GC: variants seen among roughly 807,000 people sequenced by gnomAD.
GC encodes GC vitamin D binding protein, also known as vitamin D-binding protein.
A neutral mutation model predicts 56.7 loss-of-function variants in GC; 43 were observed. The ratio of observed to expected loss-of-function variants is 0.76; its 90% CI spans 0.59 to 0.98. The LOEUF (loss-of-function observed/expected upper bound fraction) is 0.98, where lower values mean the gene tolerates loss of function less well. Ranked by LOEUF, GC falls within the 50% of genes least tolerant of loss-of-function variation. The pLI is 0.00. For synonymous variants in GC, 216 were observed against 202.7 expected (o/e 1.07, Z -0.56); for missense variants, 529 against 545.9 (o/e 0.97, Z 0.31).
intron 1 of GC, among the ~76,000 whole-genome samples, chr4:71,801,147 C>A (rs149882946): frequency 1.2e-3 from 189 of 152,168 alleles, no homozygotes; most frequent in Non-Finnish European, 2.4e-3. Flanking sequence ...GACAAATAAT[C>A]CAAATTTTTA....
chr4:71,798,482 C>G (rs868187466), intron 1 of GC, among the ~76,000 whole-genome samples: 3 of 152,100 alleles, frequency 2.0e-5, no homozygotes, highest in African/African-American at 7.2e-5. Context: ...TTTGACTTTT[C>G]TTTCTATTGG....
intron 1 of GC, among the ~76,000 whole-genome samples, chr4:71,793,527 AT>A (rs1440833230): frequency 2.0e-5 from 3 of 152,160 alleles, no homozygotes; most frequent in Non-Finnish European, 4.4e-5. Flanking sequence ...CTTTGCTGAA[AT>A]TGCTTATCAG....
At position 71,756,816 on chromosome 4, in the gene GC, C is replaced by A; in HGVS notation, c.930G>T (p.Val310=). Residue 310 remains valine, a synonymous_variant, in exon 8 of 13, where the codon GTG becomes GTT. Coordinates refer to ENST00000273951, the MANE Select transcript of GC (RefSeq NM_000583.4). The part of the protein sequence containing the change: ...CQEKTAMDVF[V]CTYFMPAAQL... Reference sequence around the variant, plus strand: ...GGGCAGCTGGCATGAAGTAAGTGCACACAAAAACGTCCATGGCTGTTTTTT... The same window carrying A: ...GGGCAGCTGGCATGAAGTAAGTGCAAACAAAAACGTCCATGGCTGTTTTTT... The A allele has an allele frequency of 6.2e-7, 1 of 1,613,000 alleles. No individual in the cohort carries two copies. Among genetic ancestry groups the A allele is most frequent in the Non-Finnish European group, 8.5e-7 (1 of 1,178,998 alleles).
exon 1 of GC, chr4:71,804,027 CTT>C (rs1743307538): frequency 2.3e-6 from 2 of 887,992 alleles, no homozygotes; most frequent in Admixed American, 4.1e-5. Flanking sequence ...TAAGCAATCT[CTT>C]TGAAAAAACA....
At chr4:71,758,003 C>A in intron 7 of GC, 39 bp downstream of exon 7, 1 of 1,593,256 alleles carries the variant, frequency 6.3e-7, no homozygotes, top group Non-Finnish European at 8.6e-7. Flanking sequence ...GCACTCAATA[C>A]CTGGCACATG....
chr4:71,773,485 A>G (rs551188532), intron 1 of GC, among the ~76,000 whole-genome samples: 1 of 152,186 alleles, frequency 6.6e-6, no homozygotes, highest in South Asian at 2.1e-4. Context: ...CATTGGGTTC[A>G]ATATTGAATT....
At chr4:71,779,687 G>T (rs185373633) in intron 1 of GC, among the ~76,000 whole-genome samples, 45 of 151,986 alleles carry the variant, frequency 3.0e-4, no homozygotes, top group Non-Finnish European at 3.7e-4. Flanking sequence ...GATTAAGCTG[G>T]TGGTGTTTTA....
intron 11 of GC, among the ~76,000 whole-genome samples, chr4:71,751,840 T>A (rs994607167): frequency 6.6e-6 from 1 of 151,948 alleles, no homozygotes; most frequent in Non-Finnish European, 1.5e-5. Context: ...AAATTCGTAA[T>A]AAAAAATGAC....
chr4:71,743,565 T>G (rs531304338), intron 12 of GC, among the ~76,000 whole-genome samples: 1 of 152,324 alleles, frequency 6.6e-6, no homozygotes, highest in East Asian at 1.9e-4. Context: ...GATGACTTCA[T>G]AATTGTCCAA....
intron 11 of GC, among the ~76,000 whole-genome samples, chr4:71,747,755 T>C (rs989662058): frequency 2.0e-5 from 3 of 152,106 alleles, no homozygotes; most frequent in Non-Finnish European, 4.4e-5. Flanking sequence ...GAGAGGTGTC[T>C]AAAGTGCCTT....
chr4:71,751,324 C>T (rs1487363186), intron 11 of GC, among the ~76,000 whole-genome samples: 1 of 152,160 alleles, frequency 6.6e-6, no homozygotes. Context: ...CCCACACAAC[C>T]TACCTGAGGT....
Position 71,763,926 on chromosome 4 carries a change from C to T in GC, c.484G>A (p.Glu162Lys), listed in dbSNP as rs111392364. ...PKEYANQFMW[E>K]YSTNYGQAPL... Reference sequence around the variant, plus strand: ...GCTTGTCCGTAATTAGTGGAATATTCCCACATAAATCTGTGGAGGAAAAAA... The same window carrying T: ...GCTTGTCCGTAATTAGTGGAATATTTCCACATAAATCTGTGGAGGAAAAAA... Residue 162 changes from glutamate to lysine, a missense_variant, in exon 5 of 13, where the codon GAA becomes AAA. Physicochemically the swap from Glu to Lys is moderately conservative, Grantham distance 56. Transcript: ENST00000273951. 8.7e-6 allele frequency: 14 copies of T among 1,609,776 alleles called. 1 individual carries two copies. In the African/African-American group the frequency reaches 9.3e-5, roughly 11 times the overall value.
chr4:71,763,613 G>A, intron 5 of GC, 111 bp from the exon 6 acceptor site: 1 of 759,884 alleles, frequency 1.3e-6, no homozygotes, highest in South Asian at 1.8e-5. Flanking sequence ...ATAGGAAACT[G>A]AACACTGGTG....
At chr4:71,783,632 C>G (rs1230641800) in intron 1 of GC, among the ~76,000 whole-genome samples, 1 of 151,714 alleles carries the variant, frequency 6.6e-6, no homozygotes, top group Non-Finnish European at 1.5e-5. Context: ...TCTTTATTTG[C>G]ATTATCTTGT....
intron 1 of GC, among the ~76,000 whole-genome samples, chr4:71,790,368 T>C (rs1313847872): frequency 6.6e-6 from 1 of 152,046 alleles, no homozygotes; most frequent in Non-Finnish European, 1.5e-5. Context: ...ATTTTTACTT[T>C]CAATCTAGCT....
rs1282276295 is a variant in GC, at chr4:71,741,833, C to T, written c.*63G>A. 1 of 702,804 alleles carries T rather than the reference C, an allele frequency of 1.4e-6. No individual in the cohort carries two copies. The highest frequency in any genetic ancestry group is 2.6e-6 in the Non-Finnish European group (1 of 384,990). 43.5% of individuals were successfully genotyped at this position (702,804 alleles called of 1,614,324 possible). A position where few individuals can be genotyped will look rare whatever the true frequency, so the allele number is the denominator to read the frequency against. On this transcript the variant is annotated 3_prime_UTR_variant, in exon 13 of 13. Coordinates refer to ENST00000273951, the MANE Select transcript of GC (RefSeq NM_000583.4). ...CTCAGTGGTTTTGCTTAGGTTAGGTCATCAGAGATCATTCCCCTGGGTGGC... is the reference window on the plus strand; with the variant it reads ...CTCAGTGGTTTTGCTTAGGTTAGGTTATCAGAGATCATTCCCCTGGGTGGC...
At chr4:71,776,847 A>AATACAC (rs972587619) in intron 1 of GC, among the ~76,000 whole-genome samples, 36 of 152,030 alleles carry the variant, frequency 2.4e-4, no homozygotes, top group African/African-American at 7.5e-4. Context: ...TTCCTAACAA[A>AATACAC]ATACACGTCT....
At chr4:71,764,448 T>C (rs1234434803) in intron 4 of GC, among the ~76,000 whole-genome samples, 1 of 152,194 alleles carries the variant, frequency 6.6e-6, no homozygotes, top group Non-Finnish European at 1.5e-5. Context: ...CAAATTTCTA[T>C]GTGGTTTGTG....
chr4:71,754,936 C>A, intron 9 of GC, 42 bp downstream of exon 9: 2 of 1,460,816 alleles, frequency 1.4e-6, no homozygotes, highest in South Asian at 1.4e-5. Flanking sequence ...ATTTTCCAAC[C>A]CTTGATCTAT....
Sources: gnomAD v4.1 joint callset for allele counts (sites outside exome capture counted in the v4.1 genomes callset) on GRCh38, gnomAD v4.1.1 for gene constraint, MANE v1.5 for transcripts, NCBI Gene and HGNC (gene_info 2026-07-23, HGNC 2026-07-21) for gene names.